Variants in DCTN1 observed in about 807,000 individuals in gnomAD.
The protein encoded by DCTN1 is dynactin subunit 1, also known as 150 kDa dynein-associated polypeptide.
In DCTN1, 61 loss-of-function variants were observed where a neutral mutation model predicts 161.2. That is an observed-to-expected ratio of 0.38 (90% confidence interval 0.31 to 0.47). The LOEUF is 0.47. Ranked by LOEUF, DCTN1 falls within the 20% of genes least tolerant of loss-of-function variation. The pLI is 0.99. For synonymous variants in DCTN1, 653 were observed against 632.4 expected, an observed-to-expected ratio of 1.03 and a Z score of -0.49; for missense variants, 1,404 against 1,623.7, an observed-to-expected ratio of 0.86 and a Z score of 2.33.
In DCTN1 at chr2:74,363,191, A is replaced by C; in HGVS notation, c.3346-14T>G. ...CATCTGGGCTCCCTGTGGATGAAAA[A>C]AGAAGGATAGTGGTAAGAGGTGCTA... On this transcript the variant is annotated splice_polypyrimidine_tract_variant and intron_variant, in intron 28 of 31. Transcript: ENST00000628224. The C allele has an allele frequency of 1.9e-6, 3 of 1,614,060 alleles. No individual in the cohort carries two copies. Among genetic ancestry groups the C allele is most frequent in the Non-Finnish European group, 2.5e-6 (3 of 1,179,972 alleles).
In DCTN1 at chr2:74,365,571, G is replaced by C. The variant is rs140969689; in HGVS notation, c.2973C>G (p.Ile991Met). ...CCTCCAGCCGAGTCTGGACTTTCTC[G>C]ATGCGCTCATCTGCATCCTTGGCAG... is the stretch of plus-strand genomic sequence containing the variant. ...DSAAKDADER[I>M]EKVQTRLEET... The change falls in exon 25 of 32, where the codon ATC becomes ATG. Residue 991 changes from isoleucine (I) to methionine (M), a missense_variant. Physicochemically the swap from Ile to Met is conservative, Grantham distance 10 (BLOSUM62 1). This residue lies in a region of DCTN1 where 475 missense variants were observed against 489.8 expected (regional missense o/e 0.97). Transcript: ENST00000628224. 6.2e-7 allele frequency: 1 copy of C among 1,614,132 alleles called. No individual in the cohort carries two copies. The highest frequency in any genetic ancestry group is 1.1e-5 in the South Asian group (1 of 91,080).
chr2:74,373,573 G>A (rs1675026917), intron 6 of DCTN1, among the ~76,000 whole-genome samples: 1 of 152,168 alleles, frequency 6.6e-6, no homozygotes, highest in Non-Finnish European at 1.5e-5. Flanking sequence ...TCAGGACCAT[G>A]AATATTGCAT....
At chr2:74,362,939 C>T (rs2528572) in intron 29 of DCTN1, 55 bp downstream of exon 29, 8 of 1,590,576 alleles carry the variant, frequency 5.0e-6, no homozygotes, top group Non-Finnish European at 6.0e-6. Context: ...GGCTAAATCC[C>T]TGGGCCAAGT....
At position 74,366,339 on chromosome 2, in the gene DCTN1, G is replaced by A. The variant is rs1416296412; in HGVS notation, c.2665C>T (p.Leu889=). The change falls in exon 23 of 32, where the codon CTG becomes TTG. Residue 889 remains leucine (L), a synonymous_variant. Transcript: ENST00000628224. ...ATGAGGATGTTGCATGACTGGCGCA[G>A]ACACTCATAGGGGCTGCTGGAGGGG... ...GTPSSSPYEC[L]RQSCNILIST... is the part of the protein sequence containing the mutation. 4.3e-6 allele frequency: 7 copies of A among 1,614,094 alleles called. No individual in the cohort carries two copies. Among genetic ancestry groups the A allele is most frequent in the African/African-American group, 1.3e-5 (1 of 74,920 alleles).
Position 74,374,353 on chromosome 2 carries a change from T to G in DCTN1, c.415-13A>C, listed in dbSNP as rs773041299. On this transcript the variant is annotated splice_polypyrimidine_tract_variant and intron_variant, in intron 5 of 31. Transcript: ENST00000628224. Reference sequence around the variant, plus strand: ...GGGCTGTCGGTGCCTGTCTCATCATTGCAGAAAACCAAAGAAAGCAAGGAG... The same window carrying G: ...GGGCTGTCGGTGCCTGTCTCATCATGGCAGAAAACCAAAGAAAGCAAGGAG... 6.2e-7 allele frequency: 1 copy of G among 1,612,910 alleles called. No homozygotes were observed. The highest frequency in any genetic ancestry group is 8.5e-7 in the Non-Finnish European group (1 of 1,179,350).
intron 26 of DCTN1, 91 bp from the exon 27 acceptor site, chr2:74,363,719 G>C (rs1387485516): frequency 3.9e-6 from 6 of 1,531,488 alleles, no homozygotes; most frequent in African/African-American, 1.4e-5. Context: ...GAGGAATCCT[G>C]GACACAACCT....
rs947886283 is a variant in DCTN1, at chr2:74,371,636, C to G, written c.546G>C (p.Glu182Asp). Residue 182 changes from glutamate to aspartate, a missense_variant, in exon 8 of 32, where the codon GAG becomes GAC. Transcript: ENST00000628224. ...SASAGELSSS[E>D]PSTPAQTPLA... ...GCGGAGTCTGAGCCGGGGTGCTGGGCTCACTGCTGCTCAGCTCACCTGCTG... is the reference window on the plus strand; with the variant it reads ...GCGGAGTCTGAGCCGGGGTGCTGGGGTCACTGCTGCTCAGCTCACCTGCTG... The G allele has an allele frequency of 1.9e-6, 3 of 1,592,122 alleles. No individual in the cohort carries two copies. The Admixed American group carries it at 5.4e-5, about 29-fold the overall frequency.
At chr2:74,381,529 C>T (rs1033439907), upstream of DCTN1, among the ~76,000 whole-genome samples, 1 of 152,174 alleles carries the variant, frequency 6.6e-6, no homozygotes, top group African/African-American at 2.4e-5. Flanking sequence ...CCATGTCGCC[C>T]CCTCCTTTCC....
chr2:74,366,008 A>G lies in DCTN1; in HGVS notation c.2771T>C (p.Val924Ala), dbSNP rs1674378524. The change falls in exon 24 of 32, where the codon GTT becomes GCT. Residue 924 changes from valine to alanine, a missense_variant. By Grantham distance (64) the Val-to-Ala change is moderately conservative. Coordinates refer to ENST00000628224, the MANE Select transcript of DCTN1 (RefSeq NM_004082.5). ...AERPPSKPPP[V>A]ELRAAALRAE... is the part of the protein sequence containing the mutation. ...ACGAAGGGCAGCAGCCCGCAGTTCAACCGGTGGAGGCTAAGGAATGGTCGG... is the reference window on the plus strand; with the variant it reads ...ACGAAGGGCAGCAGCCCGCAGTTCAGCCGGTGGAGGCTAAGGAATGGTCGG... 1.9e-6 allele frequency: 3 copies of G among 1,614,128 alleles called. No individual in the cohort carries two copies. In the African/African-American group the frequency reaches 4.0e-5, roughly 22 times the overall value.
At position 74,368,745 on chromosome 2, in the gene DCTN1, G is replaced by A. The variant is rs372808221; in HGVS notation, c.1837C>T (p.Pro613Ser). The A allele has an allele frequency of 3.7e-6, 6 of 1,614,102 alleles. No homozygotes were observed. Among genetic ancestry groups the A allele is most frequent in the Non-Finnish European group, 5.1e-6 (6 of 1,180,056 alleles). The stretch of plus-strand genomic sequence containing the variant: ...GGCCATACCTTGCAAATGAGACGAG[G>A]CATGAGCAACAGCACCAGAACGCAG... The part of the protein sequence containing the change: ...HDCVLVLLLM[P>S]RLICKAELIR... The change falls in exon 16 of 32, where the codon CCT (proline) becomes TCT (serine). Residue 613 changes from proline to serine, a missense_variant. By Grantham distance (74) the Pro-to-Ser change is moderately conservative. Transcript: ENST00000628224.
In DCTN1 at chr2:74,377,329, A is replaced by C. The variant is rs72659368; in HGVS notation, c.393+103T>G. 10,183 of 1,032,068 alleles carry C rather than the reference A, an allele frequency of 9.9e-3. 671 individuals carry two copies. In the African/African-American group the frequency reaches 0.14, roughly 14 times the overall value. 63.9% of individuals were successfully genotyped at this position (1,032,068 alleles called of 1,614,324 possible). On this transcript the variant is annotated intron_variant, in intron 4 of 31. Transcript: ENST00000628224. ...GGAAGTTGGAGAGACTAGAAGGCAA[A>C]TCAGACTCACCTACTACTTCTACCT...
At chr2:74,382,939 G>A (rs1465806746), upstream of DCTN1, among the ~76,000 whole-genome samples, 2 of 151,832 alleles carry the variant, frequency 1.3e-5, no homozygotes, top group East Asian at 3.9e-4. Context: ...GCCGGGCGCG[G>A]TGGCGGGCGC....
upstream of DCTN1, among the ~76,000 whole-genome samples, chr2:74,382,730 TAGAA>T (rs1255212397): frequency 6.6e-6 from 1 of 151,786 alleles, no homozygotes; most frequent in Admixed American, 6.6e-5. Flanking sequence ...AGAGGTGAGC[TAGAA>T]AGAAAGGGAG....
At chr2:74,379,578 C>T (rs772974972) in intron 1 of DCTN1, among the ~76,000 whole-genome samples, 1 of 152,112 alleles carries the variant, frequency 6.6e-6, no homozygotes, top group Non-Finnish European at 1.5e-5. Context: ...CACTTTCCAA[C>T]CCCAATAAGC....
At position 74,367,094 on chromosome 2, in the gene DCTN1, G is replaced by A; in HGVS notation, c.2267C>T (p.Ala756Val). The change falls in exon 20 of 32, where the codon GCT becomes GTT. Residue 756 changes from alanine (A) to valine (V), a missense_variant. Ala to Val is a moderately conservative substitution (Grantham distance 64). Coordinates refer to ENST00000628224, the MANE Select transcript of DCTN1 (RefSeq NM_004082.5). ...TACCTCCACACTCATGCAGTCCAGA[G>A]CACTCTGCGTGAACTGTGAGGATAG... is the stretch of plus-strand genomic sequence containing the variant. ...LADHIKFTQS[A>V]LDCMSVEVGR... 3.1e-6 allele frequency: 5 copies of A among 1,614,228 alleles called. No homozygotes were observed. The highest frequency in any genetic ancestry group is 2.2e-5 in the South Asian group (2 of 91,084).
rs189187061 is a variant in DCTN1 at position 74,369,780 on chromosome 2, C to T, written c.1392+185G>A. On this transcript the variant is annotated intron_variant, in intron 13 of 31. Transcript: ENST00000628224. The surrounding 1 kb of genome is among the most constrained non-coding windows in gnomAD (Gnocchi z 4.9). ...GTGAGCCGAGATTATTGCGCCACTG[C>T]GCTCCAGCCTGGCAACAGAGCGAGA... Among the ~76,000 whole-genome samples, 2 of 148,084 alleles carry T rather than the reference C, an allele frequency of 1.4e-5. No individual in the cohort carries two copies. Among genetic ancestry groups the T allele is most frequent in the Admixed American group, 6.8e-5 (1 of 14,730 alleles).
At position 74,369,064 on chromosome 2, in the gene DCTN1, G is replaced by A; in HGVS notation, c.1701+34C>T. 6.2e-7 allele frequency: 1 copy of A among 1,605,924 alleles called. No homozygotes were observed. ...CAGACCCCATACCAGTTCATCCCAG[G>A]CAGGGCTCCCTCAGACCCACACACT... On this transcript the variant is annotated intron_variant, in intron 15 of 31. Coordinates refer to ENST00000628224, the MANE Select transcript of DCTN1 (RefSeq NM_004082.5). The surrounding 1 kb of genome is among the most constrained non-coding windows in gnomAD (Gnocchi z 4.9).
intron 4 of DCTN1, 101 bp from the exon 5 acceptor site, chr2:74,376,863 G>T (rs189803244): frequency 9.8e-7 from 1 of 1,021,486 alleles, no homozygotes; most frequent in East Asian, 2.6e-5. Flanking sequence ...GGGTAGGGGG[G>T]AGTCAGGGTG....
intron 1 of DCTN1, among the ~76,000 whole-genome samples, chr2:74,386,353 G>A (rs1020724698): frequency 7.9e-5 from 12 of 152,268 alleles, no homozygotes; most frequent in African/African-American, 2.6e-4. Flanking sequence ...TTCCTCTTCT[G>A]GAAGAAAGGG....
Sources: gnomAD v4.1 joint callset for allele counts (sites outside exome capture counted in the v4.1 genomes callset) on GRCh38, gnomAD v4.1.1 for gene constraint, gnomAD v4.1.1 regional missense constraint, Gnocchi (gnomAD v3.1) non-coding constraint, MANE v1.5 for transcripts, NCBI Gene and HGNC (gene_info 2026-07-23, HGNC 2026-07-21) for gene names.